The following SCN7A variants were observed in gnomAD, a reference collection of about 807,000 sequenced individuals.
SCN7A encodes the protein sodium channel protein type 7 subunit alpha.
Under a neutral mutation model 155.2 loss-of-function variants are expected in SCN7A, and 138 were observed. The ratio of observed to expected loss-of-function variants is 0.89; its 90% CI spans 0.77 to 1.02. The LOEUF is 1.02. Ranked by LOEUF, SCN7A falls within the 50% of genes least tolerant of loss-of-function variation. The pLI is 0.00. For missense variants in SCN7A, 2,058 were observed against 1,986.6 expected (o/e 1.04, Z -0.68); for synonymous variants, 693 against 649.0 (o/e 1.07, Z -1.03).
intron 20 of SCN7A, 128 bp from the exon 21 acceptor site, chr2:166,417,113 A>C (rs1294869981): frequency 1.5e-6 from 1 of 688,570 alleles, no homozygotes; most frequent in African/African-American, 1.8e-5. Context: ...CCATATCTAA[A>C]GATTTAACAG....
chr2:166,470,689 G>A lies in SCN7A; in HGVS notation c.590C>T (p.Ser197Leu). The change falls in exon 7 of 26, where the codon TCA (serine) becomes TTA (leucine). Residue 197 changes from serine to leucine, a missense_variant. Physicochemically the swap from Ser to Leu is moderately radical, Grantham distance 145 (BLOSUM62 -2). Coordinates refer to ENST00000643258, the MANE Select transcript of SCN7A (RefSeq NM_002976.4). ...AAGCGTTGGAATGAAGTCCAGAGGT[G>A]AGTATCTTATAATAACCCTGTGGAA... ...VTVFEVIIRY[S>L]PLDFIPTLQT... 1 of 1,607,926 alleles carries A rather than the reference G, an allele frequency of 6.2e-7. No homozygotes were observed. Among genetic ancestry groups the A allele is most frequent in the Non-Finnish European group, 8.5e-7 (1 of 1,176,294 alleles).
Position 166,414,150 on chromosome 2 carries a change from A to AT in SCN7A, c.3415-1030_3415-1029insA, listed in dbSNP as rs1559088300. ...TATTATATATATGTAAATATATATAAATATATATAATATATTATATATATG... is the reference window on the plus strand; with the variant it reads ...TATTATATATATGTAAATATATATAATATATATATAATATATTATATATATG... On this transcript the variant is annotated intron_variant, in intron 21 of 25. Coordinates refer to ENST00000643258, the MANE Select transcript of SCN7A (RefSeq NM_002976.4). Among the ~76,000 whole-genome samples the AT allele has an allele frequency of 2.6e-3, 150 of 56,628 alleles. 5 individuals are homozygous for AT. Among genetic ancestry groups the AT allele is most frequent in the African/African-American group, 7.4e-3 (68 of 9,182 alleles). 37.2% of individuals were successfully genotyped at this position (56,628 alleles called of 152,430 possible).
intron 25 of SCN7A, among the ~76,000 whole-genome samples, chr2:166,409,111 T>C (rs1701140723): frequency 1.3e-5 from 2 of 152,076 alleles, no homozygotes; most frequent in Non-Finnish European, 2.9e-5. Flanking sequence ...ACAGAAATTA[T>C]ACTTGTCTTG....
At chr2:166,414,961 T>C (rs1453560740) in intron 21 of SCN7A, among the ~76,000 whole-genome samples, 5 of 123,190 alleles carry the variant, frequency 4.1e-5, no homozygotes, top group Admixed American at 9.5e-5. Flanking sequence ...TATATTATTA[T>C]ATAGGATAAT....
chr2:166,449,762 TAAG>T (rs1056284296), intron 11 of SCN7A, among the ~76,000 whole-genome samples: 1 of 151,966 alleles, frequency 6.6e-6, no homozygotes. Context: ...CTCCCACCAG[TAAG>T]AAGGACTATT....
intron 20 of SCN7A, among the ~76,000 whole-genome samples, chr2:166,419,756 G>A (rs1187315654): frequency 6.6e-6 from 1 of 151,988 alleles, no homozygotes; most frequent in Non-Finnish European, 1.5e-5. Context: ...TAAAAGCACT[G>A]GGCAATATCA....
intron 11 of SCN7A, 41 bp downstream of exon 11, chr2:166,456,829 T>G (rs1702291338): frequency 2.7e-6 from 2 of 739,220 alleles, no homozygotes; most frequent in East Asian, 3.5e-5. Flanking sequence ...TATATATATA[T>G]AGATAGATAG....
In SCN7A at chr2:166,441,731, T is replaced by C. The variant is rs773217719; in HGVS notation, c.1822A>G (p.Lys608Glu). 2 of 1,601,098 alleles carry C rather than the reference T, an allele frequency of 1.2e-6. No homozygotes were observed. Among genetic ancestry groups the C allele is most frequent in the Non-Finnish European group, 1.7e-6 (2 of 1,174,890 alleles). The change falls in exon 15 of 26, where the codon AAG becomes GAG. Residue 608 changes from lysine to glutamate, a missense_variant. Transcript: ENST00000643258. Reference sequence around the variant, plus strand: ...AAAATCTGGAATGTTGGCCAATACTTTCCCAACTTGAAAATTCTTAACTAA... The same window carrying C: ...AAAATCTGGAATGTTGGCCAATACTCTCCCAACTTGAAAATTCTTAACTAA... ...FRMLRIFKLGKYWPTFQILMW... is the reference protein window; with the variant it reads ...FRMLRIFKLGEYWPTFQILMW...
chr2:166,407,185 A>G (rs1701095150), intron 25 of SCN7A, among the ~76,000 whole-genome samples: 1 of 152,038 alleles, frequency 6.6e-6, no homozygotes, highest in African/African-American at 2.4e-5. Context: ...ATAGATTGTA[A>G]TTTAATTTCC....
At chr2:166,490,998 G>A (rs1307789333) in intron 1 of SCN7A, among the ~76,000 whole-genome samples, 1 of 152,180 alleles carries the variant, frequency 6.6e-6, no homozygotes, top group African/African-American at 2.4e-5. Flanking sequence ...CAGAGAAAGA[G>A]AGTAGATATG....
Position 166,474,278 on chromosome 2 carries a change from A to G in SCN7A, c.301T>C (p.Leu101=), listed in dbSNP as rs199836504. 5.2e-6 allele frequency: 8 copies of G among 1,527,200 alleles called. No homozygotes were observed. Among genetic ancestry groups the G allele is most frequent in the South Asian group, 1.2e-5 (1 of 81,014 alleles). The allele number at this position is 1,527,200 out of a possible 1,614,324, so 94.6% of individuals were successfully genotyped here. A position where few individuals can be genotyped will look rare whatever the true frequency, so the allele number is the denominator to read the frequency against. Reference sequence around the variant, plus strand: ...CTTCTAATACAATTGAAAGGAGACAATGTACACAAGATGGAAGCCGCATTG... The same window carrying G: ...CTTCTAATACAATTGAAAGGAGACAGTGTACACAAGATGGAAGCCGCATTG... The part of the protein sequence containing the change: ...RFNAASILCT[L]SPFNCIRRTT... Residue 101 remains leucine, a synonymous_variant, in exon 4 of 26, where the codon TTG becomes CTG. Transcript: ENST00000643258.
At chr2:166,490,681 TA>T (rs1162007515) in intron 1 of SCN7A, among the ~76,000 whole-genome samples, 4 of 152,130 alleles carry the variant, frequency 2.6e-5, no homozygotes, top group African/African-American at 9.7e-5. Flanking sequence ...TTTTCTGAAT[TA>T]AAAAAATCTA....
intron 2 of SCN7A, among the ~76,000 whole-genome samples, chr2:166,486,454 C>T (rs1171546299): frequency 6.6e-6 from 1 of 152,186 alleles, no homozygotes; most frequent in Non-Finnish European, 1.5e-5. Flanking sequence ...ATCTGCAGTT[C>T]CCAAGTCCTG....
intron 21 of SCN7A, 149 bp downstream of exon 21, chr2:166,416,558 C>T (rs907320802): frequency 5.3e-5 from 36 of 680,626 alleles, no homozygotes; most frequent in East Asian, 1.1e-4. Context: ...TGGGTTCCCC[C>T]GATAGTTGTA....
chr2:166,456,895 A>G lies in SCN7A; in HGVS notation c.1265T>C (p.Leu422Pro). Residue 422 changes from leucine (L) to proline (P), a missense_variant, in exon 11 of 26, where the codon CTT (leucine) becomes CCT (proline). Physicochemically the swap from Leu to Pro is moderately conservative, Grantham distance 98. Transcript: ENST00000643258. ...EPKFQQTGKELQEGNETDEAK... is the reference protein window; with the variant it reads ...EPKFQQTGKEPQEGNETDEAK... The stretch of plus-strand genomic sequence containing the variant: ...CTCATCTGTTTCATTTCCTTCTTGA[A>G]GTTCTTTTCCAGTCTGTTGAAATTT... 9.0e-6 allele frequency: 14 copies of G among 1,548,074 alleles called. No individual in the cohort carries two copies. The highest frequency in any genetic ancestry group is 2.4e-5 in the East Asian group (1 of 40,916).
intron 18 of SCN7A, among the ~76,000 whole-genome samples, chr2:166,424,729 A>G (rs1470520757): frequency 1.3e-5 from 2 of 152,108 alleles, no homozygotes; most frequent in Non-Finnish European, 2.9e-5. Flanking sequence ...CATTATATCT[A>G]TAGCCAACCA....
chr2:166,407,664 A>G (rs1306069953), intron 25 of SCN7A, among the ~76,000 whole-genome samples: 1 of 151,964 alleles, frequency 6.6e-6, no homozygotes, highest in Non-Finnish European at 1.5e-5. Flanking sequence ...TAAATTGTGA[A>G]TAAATTCCTC....
Position 166,410,227 on chromosome 2 carries a change from C to T in SCN7A, c.3704G>A (p.Arg1235His), listed in dbSNP as rs757348954. 5.2e-6 allele frequency: 8 copies of T among 1,546,332 alleles called. No individual in the cohort carries two copies. The South Asian group carries it at 6.0e-5, about 12-fold the overall frequency. Reference sequence around the variant, plus strand: ...ATCTAGACATTTTCTTACTAATGGGCGAGGTACTGGTCTTTGAGAATCCTC... The same window carrying T: ...ATCTAGACATTTTCTTACTAATGGGTGAGGTACTGGTCTTTGAGAATCCTC... ...MYEDSQRPVPRPLNKLQGFIF... is the reference protein window; with the variant it reads ...MYEDSQRPVPHPLNKLQGFIF... Residue 1235 changes from arginine (R) to histidine (H), a missense_variant, in exon 24 of 26, where the codon CGC becomes CAC. By Grantham distance (29) the Arg-to-His change is conservative. Transcript: ENST00000643258.
At chr2:166,410,908 T>A (rs1054246804) in intron 23 of SCN7A, among the ~76,000 whole-genome samples, 1 of 152,004 alleles carries the variant, frequency 6.6e-6, no homozygotes, top group African/African-American at 2.4e-5. Flanking sequence ...AAGTGAATAA[T>A]GTCACGTCCT....
Sources: allele counts gnomAD v4.1 joint callset (sites outside exome capture counted in the v4.1 genomes callset), GRCh38; gene constraint gnomAD v4.1.1; transcripts MANE v1.5; gene names NCBI Gene and HGNC (gene_info 2026-07-23, HGNC 2026-07-21).